CENPH: variants seen among roughly 807,000 people sequenced by gnomAD.
The protein encoded by CENPH is CENP-H.
CENPH carries 40 observed loss-of-function variants against 42.9 expected under a neutral mutation model. The observed-to-expected ratio is 0.93, with a 90% confidence interval of 0.72 to 1.21. CENPH has a LOEUF of 1.21. CENPH is among the 50% of genes most tolerant of loss of function. The pLI is 0.00. For missense variants in CENPH, 302 were observed against 292.9 expected (o/e 1.03, Z -0.23); for synonymous variants, 88 against 96.5 (o/e 0.91, Z 0.52).
At chr5:69,200,719 CTTTTTTTTTTTTTTTTTT>C (rs70992906) in intron 5 of CENPH, among the ~76,000 whole-genome samples, 14 of 46,920 alleles carry the variant, frequency 3.0e-4, no homozygotes, top group South Asian at 2.2e-3. Flanking sequence ...ATCAGCGTAT[CTTTTTTTTTTTTTTTTTT>C]TTTTTTTTTT....
At chr5:69,203,993 T>G (rs61623522) in intron 7 of CENPH, among the ~76,000 whole-genome samples, 60,288 of 113,720 alleles carry the variant, frequency 0.53, 17,057 homozygotes, top group South Asian at 0.61. Flanking sequence ...TATATATATA[T>G]AGAGAGAGAA....
chr5:69,191,750 TAATC>T (rs1261913288), intron 1 of CENPH, 41 bp from the exon 2 acceptor site: 3 of 1,189,874 alleles, frequency 2.5e-6, no homozygotes, highest in Admixed American at 1.8e-5. Flanking sequence ...AGTAAAACCT[TAATC>T]AATAAATATG....
At chr5:69,206,920 T>C (rs1015719950) in intron 7 of CENPH, among the ~76,000 whole-genome samples, 3 of 152,162 alleles carry the variant, frequency 2.0e-5, no homozygotes, top group African/African-American at 7.2e-5. Context: ...TCTTGCTATG[T>C]TTCCCAGGGT....
intron 7 of CENPH, among the ~76,000 whole-genome samples, chr5:69,205,129 A>G (rs1049330928): frequency 1.3e-5 from 2 of 151,744 alleles, no homozygotes; most frequent in African/African-American, 2.4e-5. Flanking sequence ...CATGTTAGCC[A>G]GGATGGTCTT....
At chr5:69,191,882 GTTGT>G (rs565965874) in intron 2 of CENPH, 32 bp downstream of exon 2, 73 of 1,307,312 alleles carry the variant, frequency 5.6e-5, no homozygotes, top group Admixed American at 3.3e-4. Flanking sequence ...TTAGGGTTTT[GTTGT>G]TTGTTTGTTT....
At chr5:69,193,704 C>A (rs183478345) in intron 2 of CENPH, among the ~76,000 whole-genome samples, 186 of 151,012 alleles carry the variant, frequency 1.2e-3, no homozygotes, top group African/African-American at 4.2e-3. Flanking sequence ...TTCTGTCGCC[C>A]AGGCTAGAGT....
At chr5:69,209,673 C>T (rs1334317662) in intron 8 of CENPH, 34 bp from the exon 9 acceptor site, 1 of 1,073,298 alleles carries the variant, frequency 9.3e-7, no homozygotes, top group African/African-American at 1.6e-5. Context: ...TTTTAAAGTA[C>T]TTGTAACTTT....
At chr5:69,193,581 C>T (rs1398004640) in intron 2 of CENPH, among the ~76,000 whole-genome samples, 1 of 151,984 alleles carries the variant, frequency 6.6e-6, no homozygotes, top group Non-Finnish European at 1.5e-5. Context: ...CACACCACTA[C>T]ACTACAGCCT....
chr5:69,190,132 A>G (rs1290588868), intron 1 of CENPH, among the ~76,000 whole-genome samples: 1 of 152,188 alleles, frequency 6.6e-6, no homozygotes, highest in Non-Finnish European at 1.5e-5. Context: ...CATTTCTTTT[A>G]GAACTACGAC....
intron 5 of CENPH, 55 bp from the exon 6 acceptor site, chr5:69,202,451 T>C: frequency 4.9e-6 from 5 of 1,027,740 alleles, no homozygotes; most frequent in Non-Finnish European, 6.0e-6. Context: ...ACAGCTATTA[T>C]TTTTAATTAA....
At chr5:69,208,168 GTATAT>G in intron 7 of CENPH, 23 bp from the exon 8 acceptor site, 1 of 1,214,610 alleles carries the variant, frequency 8.2e-7, no homozygotes, top group South Asian at 1.3e-5. Context: ...ATTATATATG[GTATAT>G]TATTTTATTT....
chr5:69,198,980 T>C, intron 5 of CENPH, among the ~76,000 whole-genome samples: 1 of 150,920 alleles, frequency 6.6e-6, no homozygotes, highest in South Asian at 2.1e-4. Flanking sequence ...GAGTTAAAGG[T>C]GTGGGGTGCA....
intron 2 of CENPH, 42 bp downstream of exon 2, chr5:69,191,892 T>G (rs760123421): frequency 1.6e-6 from 2 of 1,236,924 alleles, no homozygotes; most frequent in South Asian, 2.4e-5. Context: ...GTTGTTTGTT[T>G]GTTTGTTTTT....
chr5:69,195,618 G>A, intron 3 of CENPH, 99 bp from the exon 4 acceptor site: 1 of 676,416 alleles, frequency 1.5e-6, no homozygotes, highest in South Asian at 1.7e-5. Flanking sequence ...TATTTAGATA[G>A]AGGTGTTTTA....
In CENPH at chr5:69,210,108, T is replaced by C; in HGVS notation, c.*309T>C. 5.7e-6 allele frequency: 1 copy of C among 176,814 alleles called. No individual in the cohort carries two copies. Among genetic ancestry groups the C allele is most frequent in the Non-Finnish European group, 1.2e-5 (1 of 84,000 alleles). 11.0% of individuals were successfully genotyped at this position (176,814 alleles called of 1,614,324 possible). A position where few individuals can be genotyped will look rare whatever the true frequency, so the allele number is the denominator to read the frequency against. On this transcript the variant is annotated 3_prime_UTR_variant, in exon 9 of 9. Coordinates refer to ENST00000283006, the MANE Select transcript of CENPH (RefSeq NM_022909.4). Reference sequence around the variant, plus strand: ...CCTCTGCCTCCCGGGTTCAAGCAGTTCTGCCTCAGCCTCCCAAGTAGCTGT... The same window carrying C: ...CCTCTGCCTCCCGGGTTCAAGCAGTCCTGCCTCAGCCTCCCAAGTAGCTGT...
Position 69,189,883 on chromosome 5 carries a change from G to A in CENPH, c.134+115G>A. Reference sequence around the variant, plus strand: ...ACGCTCGGTCACGTCAGGTCTCCGTGATTGCCTCATTCACTTAAACTGTTG... The same window carrying A: ...ACGCTCGGTCACGTCAGGTCTCCGTAATTGCCTCATTCACTTAAACTGTTG... On this transcript the variant is annotated intron_variant, in intron 1 of 8. Transcript: ENST00000283006. 6 of 1,174,536 alleles carry A rather than the reference G, an allele frequency of 5.1e-6. No homozygotes were observed. In the South Asian group the frequency reaches 6.6e-5, roughly 13 times the overall value. The allele number at this position is 1,174,536 out of a possible 1,614,324, so 72.8% of individuals were successfully genotyped here. A position where few individuals can be genotyped will look rare whatever the true frequency, so the allele number is the denominator to read the frequency against.
intron 2 of CENPH, among the ~76,000 whole-genome samples, chr5:69,194,383 C>T (rs148286643): frequency 6.6e-6 from 1 of 152,190 alleles, no homozygotes; most frequent in African/African-American, 2.4e-5. Context: ...GGTTAATCAT[C>T]ATTGAGATGG....
At chr5:69,206,838 A>T (rs145136888) in intron 7 of CENPH, among the ~76,000 whole-genome samples, 1 of 151,816 alleles carries the variant, frequency 6.6e-6, no homozygotes, top group Non-Finnish European at 1.5e-5. Flanking sequence ...CCTGTTAGCA[A>T]ATAATCTCAG....
chr5:69,208,422 C>G (rs530789579), intron 8 of CENPH, 63 bp downstream of exon 8: 5 of 1,060,062 alleles, frequency 4.7e-6, no homozygotes, highest in Non-Finnish European at 6.9e-6. Context: ...TGAAGTGGCT[C>G]GATCTCAGCT....
Sources: allele counts gnomAD v4.1 joint callset (sites outside exome capture counted in the v4.1 genomes callset), GRCh38; gene constraint gnomAD v4.1.1; transcripts MANE v1.5; gene names NCBI Gene and HGNC (gene_info 2026-07-23, HGNC 2026-07-21).